WWOX: variants seen among roughly 807,000 people sequenced by gnomAD.
WWOX encodes WW domain containing oxidoreductase.
Under a neutral mutation model 46.2 loss-of-function variants are expected in WWOX, and 69 were observed. That is an observed-to-expected ratio of 1.49 (90% confidence interval 1.23 to 1.82). WWOX has a LOEUF of 1.82. Among genes scored for constraint, WWOX ranks in the 40% most tolerant of loss-of-function variants. The pLI is 0.00. For synonymous variants in WWOX, 359 were observed against 202.6 expected (o/e 1.77, Z -6.56); for missense variants, 919 against 542.6 (o/e 1.69, Z -6.89).
chr16:78,559,739 G>A (rs1233835377), intron 8 of WWOX, among the ~76,000 whole-genome samples: 1 of 152,138 alleles, frequency 6.6e-6, no homozygotes, highest in Non-Finnish European at 1.5e-5. Context: ...CTGGTAGAAA[G>A]TTCTAACTAA....
chr16:78,434,720 A>C (rs1041026674), intron 8 of WWOX, among the ~76,000 whole-genome samples: 2 of 152,118 alleles, frequency 1.3e-5, no homozygotes, highest in Middle Eastern at 3.2e-3. Context: ...AATCAGAGGA[A>C]CGGGATGGGA....
intron 8 of WWOX, among the ~76,000 whole-genome samples, chr16:78,649,525 C>A (rs2046918580): frequency 6.6e-6 from 1 of 152,172 alleles, no homozygotes; most frequent in African/African-American, 2.4e-5. Flanking sequence ...GATCCTCCTG[C>A]CTCGGCCTCC....
intron 4 of WWOX, among the ~76,000 whole-genome samples, chr16:78,124,767 T>A (rs1459853292): frequency 6.6e-6 from 1 of 152,198 alleles, no homozygotes; most frequent in Non-Finnish European, 1.5e-5. Flanking sequence ...CTGTGCTTGA[T>A]GGTTTTACTT....
intron 6 of WWOX, among the ~76,000 whole-genome samples, chr16:78,406,306 ATATAT>A (rs2082534262): frequency 1.2e-4 from 1 of 8,488 alleles, no homozygotes; most frequent in Non-Finnish European, 1.9e-4. Context: ...AAATATAAAT[ATATAT>A]ATATATATAT....
intron 8 of WWOX, among the ~76,000 whole-genome samples, chr16:79,162,952 C>G (rs931886852): frequency 6.6e-6 from 1 of 152,162 alleles, no homozygotes; most frequent in Non-Finnish European, 1.5e-5. Flanking sequence ...AGAATGTTGT[C>G]CCCCAGAAAA....
At chr16:79,164,497 G>C (rs996279099) in intron 8 of WWOX, among the ~76,000 whole-genome samples, 2 of 151,460 alleles carry the variant, frequency 1.3e-5, no homozygotes, top group Non-Finnish European at 2.9e-5. Context: ...TGGGGGGATG[G>C]GGGGAGGCCA....
chr16:79,200,070 C>T (rs75810615), intron 8 of WWOX, among the ~76,000 whole-genome samples: 2 of 152,198 alleles, frequency 1.3e-5, no homozygotes, highest in Non-Finnish European at 1.5e-5. Context: ...TGAGCCCTGC[C>T]AGCCTTCAGG....
intron 8 of WWOX, among the ~76,000 whole-genome samples, chr16:78,878,318 G>A (rs1486656300): frequency 3.3e-5 from 5 of 152,184 alleles, no homozygotes; most frequent in Admixed American, 3.3e-4. Context: ...ACATTGGGAA[G>A]TACAGACTTT....
At chr16:78,916,308 G>A (rs1167448452) in intron 8 of WWOX, among the ~76,000 whole-genome samples, 1 of 152,084 alleles carries the variant, frequency 6.6e-6, no homozygotes, top group African/African-American at 2.4e-5. Context: ...GTTTCAGAGG[G>A]GTTTCCTTTA....
At chr16:78,702,399 C>A (rs558238791) in intron 8 of WWOX, among the ~76,000 whole-genome samples, 1 of 151,990 alleles carries the variant, frequency 6.6e-6, no homozygotes, top group Non-Finnish European at 1.5e-5. Context: ...CCTGTAATTC[C>A]CAGTACTTTG....
intron 5 of WWOX, among the ~76,000 whole-genome samples, chr16:78,301,668 C>G (rs1207288471): frequency 6.6e-6 from 1 of 152,110 alleles, no homozygotes; most frequent in Non-Finnish European, 1.5e-5. Flanking sequence ...AACAAACCCT[C>G]CAAGACCTCA....
intron 4 of WWOX, among the ~76,000 whole-genome samples, chr16:78,128,399 A>C (rs2033448579): frequency 6.6e-6 from 1 of 152,324 alleles, no homozygotes; most frequent in East Asian, 1.9e-4. Context: ...TGATTCAATA[A>C]GAAGGGAACC....
At chr16:78,560,352 A>G (rs983710395) in intron 8 of WWOX, among the ~76,000 whole-genome samples, 1 of 152,212 alleles carries the variant, frequency 6.6e-6, no homozygotes. Context: ...CATCAAGAAT[A>G]ACATTAGTGG....
At chr16:78,798,772 A>C (rs895569964) in intron 8 of WWOX, among the ~76,000 whole-genome samples, 1 of 152,202 alleles carries the variant, frequency 6.6e-6, no homozygotes, top group African/African-American at 2.4e-5. Flanking sequence ...TACTATTAAC[A>C]TAAAGTAATA....
At chr16:78,938,886 A>C (rs1049964844) in intron 8 of WWOX, among the ~76,000 whole-genome samples, 1 of 152,200 alleles carries the variant, frequency 6.6e-6, no homozygotes, top group Non-Finnish European at 1.5e-5. Context: ...AGGGCCAGCC[A>C]CGTGGGTACT....
At chr16:78,889,541 G>A (rs2044542523) in intron 8 of WWOX, among the ~76,000 whole-genome samples, 1 of 152,100 alleles carries the variant, frequency 6.6e-6, no homozygotes, top group African/African-American at 2.4e-5. Flanking sequence ...ACAGCCATAA[G>A]TATTGGCCTG....
chr16:78,207,739 G>A (rs947419814), intron 5 of WWOX, among the ~76,000 whole-genome samples: 2 of 147,748 alleles, frequency 1.4e-5, no homozygotes, highest in African/African-American at 2.5e-5. Flanking sequence ...TTCAGCCTGG[G>A]TGACAGAGGA....
chr16:79,163,095 G>A (rs1404100216), intron 8 of WWOX, among the ~76,000 whole-genome samples: 1 of 152,194 alleles, frequency 6.6e-6, no homozygotes, highest in Non-Finnish European at 1.5e-5. Flanking sequence ...AGTGTTTGTT[G>A]ACAAGCGACA....
intron 6 of WWOX, among the ~76,000 whole-genome samples, chr16:78,411,355 C>T (rs1395030167): frequency 1.3e-5 from 2 of 152,164 alleles, no homozygotes; most frequent in East Asian, 3.9e-4. Flanking sequence ...TTAAAGAGGG[C>T]TAATCAACGT....
Sources: gnomAD v4.1 joint callset for allele counts (sites outside exome capture counted in the v4.1 genomes callset) on GRCh38, gnomAD v4.1.1 for gene constraint, MANE v1.5 for transcripts, NCBI Gene and HGNC (gene_info 2026-07-23, HGNC 2026-07-21) for gene names.